Variants in RPS6KA2 observed in about 807,000 individuals in gnomAD.
The protein encoded by RPS6KA2 is ribosomal protein S6 kinase A2.
RPS6KA2 carries 42 observed loss-of-function variants against 91.8 expected under a neutral mutation model. The observed-to-expected ratio is 0.46, with a 90% CI of 0.36 to 0.59. The LOEUF (loss-of-function observed/expected upper bound fraction) is 0.59, where lower values mean the gene tolerates loss of function less well. Among genes scored for constraint, RPS6KA2 ranks in the 20% least tolerant of loss-of-function variants. The pLI is 0.00. For missense variants in RPS6KA2, 798 were observed against 978.5 expected (o/e 0.82, Z 2.46); for synonymous variants, 414 against 393.6 (o/e 1.05, Z -0.61).
intron 2 of RPS6KA2, among the ~76,000 whole-genome samples, chr6:166,778,460 C>A (rs1160982858): frequency 6.6e-6 from 1 of 152,216 alleles, no homozygotes; most frequent in Admixed American, 6.5e-5. Context: ...GAACGCCATA[C>A]ATTGTTTTAC....
intron 2 of RPS6KA2, among the ~76,000 whole-genome samples, chr6:166,781,383 A>C (rs76368569): frequency 7.2e-5 from 11 of 152,178 alleles, no homozygotes; most frequent in African/African-American, 2.7e-4. Flanking sequence ...GCGTGCTCCC[A>C]GGGAAGACTA....
chr6:166,762,799 G>A (rs1778212884), intron 2 of RPS6KA2, among the ~76,000 whole-genome samples: 2 of 152,208 alleles, frequency 1.3e-5, no homozygotes, highest in South Asian at 4.1e-4. Flanking sequence ...CCATGACCCT[G>A]AGCCTTGCAC....
chr6:166,675,302 G>A (rs1468892818), intron 2 of RPS6KA2, among the ~76,000 whole-genome samples: 1 of 152,194 alleles, frequency 6.6e-6, no homozygotes. Flanking sequence ...GGAAGCCCCT[G>A]CAGTTCCAGC....
chr6:166,626,361 G>C lies in RPS6KA2; in HGVS notation c.99+560C>G, dbSNP rs887166649. Among the ~76,000 whole-genome samples, 2 of 152,252 alleles carry C rather than the reference G, an allele frequency of 1.3e-5. No individual in the cohort carries two copies. Among genetic ancestry groups the C allele is most frequent in the African/African-American group, 4.8e-5 (2 of 41,466 alleles). ...ATATTGCATCAGGCTCTTTACTCCT[G>C]AACGCCGTTTTAGACGCCTAAGCAG... On this transcript the variant is annotated intron_variant, in intron 1 of 20. Coordinates refer to ENST00000265678, the MANE Select transcript of RPS6KA2 (RefSeq NM_021135.6). The surrounding 1 kb of genome is among the most constrained non-coding windows in gnomAD (Gnocchi z 4.1).
At chr6:166,613,417 G>A (rs867567617) in intron 1 of RPS6KA2, among the ~76,000 whole-genome samples, 4 of 152,214 alleles carry the variant, frequency 2.6e-5, no homozygotes, top group African/African-American at 7.2e-5. Context: ...ACACGTCACC[G>A]AAGGAGTCTC....
At chr6:166,719,849 G>T (rs1375395853) in intron 2 of RPS6KA2, among the ~76,000 whole-genome samples, 1 of 152,162 alleles carries the variant, frequency 6.6e-6, no homozygotes, top group African/African-American at 2.4e-5. Flanking sequence ...GAGTATATCT[G>T]GGAGATCTTA....
At position 166,493,047 on chromosome 6, in the gene RPS6KA2, A is replaced by G. The variant is rs1781660850; in HGVS notation, c.748-2306T>C. 6.6e-6 allele frequency among the ~76,000 whole-genome samples: 1 copy of G among 151,864 alleles called. No homozygotes were observed. ...GCGCCTGGTCTGGTGATTTCTTTTT[A>G]GCTTTTGAAGATGATTCCCTTGTGA... is the stretch of plus-strand genomic sequence containing the variant. On this transcript the variant is annotated intron_variant, in intron 8 of 20. Coordinates refer to ENST00000265678, the MANE Select transcript of RPS6KA2 (RefSeq NM_021135.6). This position sits in a 1 kb window ranked among gnomAD's most constrained non-coding sequence, Gnocchi z 4.7.
At chr6:166,785,862 CA>C (rs1293821911) in intron 2 of RPS6KA2, among the ~76,000 whole-genome samples, 1 of 152,072 alleles carries the variant, frequency 6.6e-6, no homozygotes, top group Non-Finnish European at 1.5e-5. Context: ...AAGGTATTGC[CA>C]AAAAGATTTT....
At chr6:166,485,038 G>C (rs1487764535) in intron 10 of RPS6KA2, among the ~76,000 whole-genome samples, 1 of 152,234 alleles carries the variant, frequency 6.6e-6, no homozygotes, top group Non-Finnish European at 1.5e-5. Context: ...CTGTTCTCCT[G>C]GTTCATTAGA....
intron 16 of RPS6KA2, among the ~76,000 whole-genome samples, chr6:166,430,204 G>A (rs138080651): frequency 6.1e-4 from 93 of 151,876 alleles, no homozygotes; most frequent in African/African-American, 2.1e-3. Context: ...TCCTGACCTC[G>A]TGATCTGCCC....
At position 166,702,173 on chromosome 6, in the gene RPS6KA2, C is replaced by T. The variant is rs1244487123; in HGVS notation, c.123+156027G>A. 6 of 1,600,716 alleles carry T rather than the reference C, an allele frequency of 3.7e-6. No individual in the cohort carries two copies. The Admixed American group carries it at 6.7e-5, about 18-fold the overall frequency. On this transcript the variant is annotated intron_variant, in intron 2 of 21. Coordinates refer to the RPS6KA2 transcript ENST00000503859. ...AGACTGGGTCTGTTTGGTGATGTTCCGAATGGTGGCACCTTCTTTTCCTAT... is the reference window on the plus strand; with the variant it reads ...AGACTGGGTCTGTTTGGTGATGTTCTGAATGGTGGCACCTTCTTTTCCTAT...
intron 2 of RPS6KA2, among the ~76,000 whole-genome samples, chr6:166,724,085 TTCTC>T (rs766453984): frequency 2.6e-5 from 4 of 152,218 alleles, no homozygotes; most frequent in African/African-American, 7.2e-5. Context: ...GGGTGTGGAT[TTCTC>T]TCTTTCTCTG....
chr6:166,556,261 C>A (rs924419212), intron 1 of RPS6KA2, among the ~76,000 whole-genome samples: 1 of 152,170 alleles, frequency 6.6e-6, no homozygotes, highest in Non-Finnish European at 1.5e-5. Context: ...TCAGACAGAG[C>A]CTCACCCACT....
At position 166,531,215 on chromosome 6, in the gene RPS6KA2, C is replaced by A. The variant is rs763781264; in HGVS notation, c.298+17G>T. 17 of 1,589,744 alleles carry A rather than the reference C, an allele frequency of 1.1e-5. No homozygotes were observed. The Admixed American group carries it at 2.8e-4, about 27-fold the overall frequency. The stretch of plus-strand genomic sequence containing the variant: ...GTTACCTGTCTCTGAAGCAGCCGGC[C>A]CTTCCGAAGCTCTTACCTTTTAGGG... On this transcript the variant is annotated intron_variant, in intron 3 of 20. Transcript: ENST00000265678.
At chr6:166,796,783 A>G (rs1779236384) in intron 2 of RPS6KA2, among the ~76,000 whole-genome samples, 1 of 152,144 alleles carries the variant, frequency 6.6e-6, no homozygotes, top group Non-Finnish European at 1.5e-5. Flanking sequence ...CACGTGGCAC[A>G]CTCACACGAG....
At chr6:166,485,128 G>A (rs1781361415) in intron 10 of RPS6KA2, among the ~76,000 whole-genome samples, 1 of 152,256 alleles carries the variant, frequency 6.6e-6, no homozygotes, top group Non-Finnish European at 1.5e-5. Context: ...CCAGGGCTGT[G>A]TGGGGGAGGC....
intron 2 of RPS6KA2, among the ~76,000 whole-genome samples, chr6:166,828,132 A>G (rs1207129584): frequency 6.6e-6 from 1 of 151,928 alleles, no homozygotes; most frequent in African/African-American, 2.4e-5. Context: ...ATTACACCTC[A>G]GGGTCAGCAT....
Position 166,719,994 on chromosome 6 carries a change from C to A in RPS6KA2, c.123+138206G>T, listed in dbSNP as rs115323926. Reference sequence around the variant, plus strand: ...GTGGGAGAAAGAAGTTAACTCTAAACCTTTAGCTGGCTTAAATTCCCAATT... The same window carrying A: ...GTGGGAGAAAGAAGTTAACTCTAAAACTTTAGCTGGCTTAAATTCCCAATT... On this transcript the variant is annotated intron_variant, in intron 2 of 21. Transcript: ENST00000503859. Among the ~76,000 whole-genome samples the A allele has an allele frequency of 6.4e-3, 972 of 152,288 alleles. 4 individuals carry two copies. The highest frequency in any genetic ancestry group is 0.021 in the African/African-American group (887 of 41,574).
intron 2 of RPS6KA2, among the ~76,000 whole-genome samples, chr6:166,777,836 TGAGA>T (rs201379388): frequency 1.3e-5 from 2 of 151,708 alleles, no homozygotes; most frequent in Non-Finnish European, 2.9e-5. Flanking sequence ...TTTGCAATTG[TGAGA>T]GAGAGAGAAA....
Sources: allele counts gnomAD v4.1 joint callset (sites outside exome capture counted in the v4.1 genomes callset), GRCh38; gene constraint gnomAD v4.1.1; non-coding constraint Gnocchi (gnomAD v3.1); transcripts MANE v1.5; gene names NCBI Gene and HGNC (gene_info 2026-07-23, HGNC 2026-07-21).